Variants in CDH18 observed in about 807,000 individuals in gnomAD.
CDH18 encodes cadherin-18.
Under a neutral mutation model 67.9 loss-of-function variants are expected in CDH18, and 31 were observed. The observed-to-expected ratio is 0.46, with a 90% CI of 0.34 to 0.62. The LOEUF is 0.62. CDH18 is among the 20% of genes least tolerant of loss of function. The probability of loss-of-function intolerance (pLI) is 0.01; values close to 1 mark genes in which losing one functional copy is unlikely to be tolerated. For missense variants in CDH18, 890 were observed against 975.5 expected, an observed-to-expected ratio of 0.91 and a Z score of 1.17; for synonymous variants, 362 against 347.2, an observed-to-expected ratio of 1.04 and a Z score of -0.48.
chr5:19,671,349 C>A (rs185776680), intron 5 of CDH18, among the ~76,000 whole-genome samples: 42 of 152,198 alleles, frequency 2.8e-4, no homozygotes, highest in Admixed American at 9.2e-4. Context: ...CATTGTAATG[C>A]ATAAAAGTAT....
At chr5:20,515,572 C>T (rs192035548) in intron 1 of CDH18, among the ~76,000 whole-genome samples, 1 of 152,150 alleles carries the variant, frequency 6.6e-6, no homozygotes, top group South Asian at 2.1e-4. Flanking sequence ...TAGGACCCAA[C>T]AATTCCCATT....
intron 1 of CDH18, among the ~76,000 whole-genome samples, chr5:20,553,337 C>A (rs1757741620): frequency 6.6e-6 from 1 of 151,976 alleles, no homozygotes; most frequent in South Asian, 2.1e-4. Flanking sequence ...TTATATTGGC[C>A]TGACTGAGGT....
chr5:19,994,853 T>TAG (rs776078908), intron 2 of CDH18, among the ~76,000 whole-genome samples: 6,382 of 53,162 alleles, frequency 0.12, 948 homozygotes, highest in Admixed American at 0.19. Context: ...TATATATATA[T>TAG]ATAGAGAGAG....
At chr5:20,031,958 T>G (rs1270695526) in intron 2 of CDH18, among the ~76,000 whole-genome samples, 2 of 151,918 alleles carry the variant, frequency 1.3e-5, no homozygotes, top group African/African-American at 4.8e-5. Context: ...CGGTGACATC[T>G]GGGGAATGTG....
At chr5:19,960,245 A>G (rs1275028928) in intron 2 of CDH18, among the ~76,000 whole-genome samples, 2 of 152,102 alleles carry the variant, frequency 1.3e-5, no homozygotes, top group African/African-American at 4.8e-5. Context: ...TTAGCTTAAA[A>G]CAATCACATT....
intron 9 of CDH18, among the ~76,000 whole-genome samples, chr5:19,531,609 T>TCACACACA (rs10552517): frequency 1.8e-4 from 27 of 148,814 alleles, no homozygotes; most frequent in Non-Finnish European, 3.3e-4. Context: ...ATGTGTGTTC[T>TCACACACA]CACACACACA....
intron 2 of CDH18, among the ~76,000 whole-genome samples, chr5:20,209,992 A>G (rs1740229941): frequency 6.6e-6 from 1 of 151,474 alleles, no homozygotes; most frequent in African/African-American, 2.4e-5. Context: ...TTAACTAAAT[A>G]ATAATGTAAG....
intron 8 of CDH18, among the ~76,000 whole-genome samples, chr5:19,566,845 A>G (rs185314953): frequency 3.1e-4 from 47 of 152,306 alleles, no homozygotes; most frequent in Middle Eastern, 3.4e-3. Flanking sequence ...GTGTCCATCA[A>G]TAGATGAATG....
intron 2 of CDH18, among the ~76,000 whole-genome samples, chr5:20,041,814 T>C (rs1037926153): frequency 6.6e-6 from 1 of 152,186 alleles, no homozygotes; most frequent in Non-Finnish European, 1.5e-5. Flanking sequence ...AAACAGCATT[T>C]TACAGAGGAA....
At chr5:19,567,255 T>A (rs1333195248) in intron 8 of CDH18, among the ~76,000 whole-genome samples, 1 of 152,166 alleles carries the variant, frequency 6.6e-6, no homozygotes, top group Non-Finnish European at 1.5e-5. Flanking sequence ...TTGTTTAGAG[T>A]TGAAACAGAC....
At chr5:19,862,206 A>G (rs1399773164) in intron 2 of CDH18, among the ~76,000 whole-genome samples, 1 of 44,842 alleles carries the variant, frequency 2.2e-5, no homozygotes, top group Non-Finnish European at 8.7e-5. Context: ...AAACAAATAC[A>G]TTACAGAACA....
chr5:19,591,007 A>C (rs1300175340), intron 7 of CDH18, 50 bp downstream of exon 7: 1 of 1,208,990 alleles, frequency 8.3e-7, no homozygotes, highest in Non-Finnish European at 1.2e-6. Context: ...ATTTCCATTC[A>C]GGAAAAGATG....
intron 2 of CDH18, among the ~76,000 whole-genome samples, chr5:20,058,501 C>T (rs1324220433): frequency 6.6e-6 from 1 of 152,036 alleles, no homozygotes; most frequent in East Asian, 1.9e-4. Context: ...TTGAGCCTTA[C>T]TTGATATAAT....
intron 3 of CDH18, among the ~76,000 whole-genome samples, chr5:19,816,152 T>C (rs755448194): frequency 6.6e-6 from 1 of 151,922 alleles, no homozygotes; most frequent in Non-Finnish European, 1.5e-5. Context: ...ACATTGGTAA[T>C]AGATTAGAAT....
chr5:20,433,769 A>G (rs1748954722), intron 1 of CDH18, among the ~76,000 whole-genome samples: 1 of 152,126 alleles, frequency 6.6e-6, no homozygotes, highest in African/African-American at 2.4e-5. Context: ...AATTTAAAGT[A>G]TACAGCAGGA....
intron 2 of CDH18, among the ~76,000 whole-genome samples, chr5:19,904,296 AAAAAGAAAAGAAAAAACG>A (rs1370331226): frequency 1.3e-5 from 2 of 149,344 alleles, no homozygotes; most frequent in Non-Finnish European, 3.0e-5. Context: ...AAGGAAAGAA[AAAAAGAAAAGAAAAAACG>A]AAAAGAAAAG....
At chr5:20,425,294 A>G (rs977574400) in intron 1 of CDH18, among the ~76,000 whole-genome samples, 3 of 150,446 alleles carry the variant, frequency 2.0e-5, no homozygotes, top group Non-Finnish European at 4.4e-5. Flanking sequence ...TTGCTTCAAC[A>G]TGGGAGGTGG....
chr5:20,078,957 T>G (rs781701345), intron 2 of CDH18, among the ~76,000 whole-genome samples: 80 of 152,186 alleles, frequency 5.3e-4, no homozygotes, highest in Admixed American at 1.5e-3. Flanking sequence ...AATAATAATT[T>G]TATATATTAT....
intron 6 of CDH18, among the ~76,000 whole-genome samples, chr5:19,602,210 C>G (rs576441764): frequency 6.6e-6 from 1 of 152,172 alleles, no homozygotes; most frequent in Admixed American, 6.5e-5. Context: ...ATAGGGAGTA[C>G]ACAAATACAG....
Sources: allele counts gnomAD v4.1 joint callset (sites outside exome capture counted in the v4.1 genomes callset), GRCh38; gene constraint gnomAD v4.1.1; transcripts MANE v1.5; gene names NCBI Gene and HGNC (gene_info 2026-07-23, HGNC 2026-07-21).